Variants in TSC22D2 observed in about 807,000 individuals in gnomAD.
TSC22D2 encodes TSC22 domain family protein 2.
A neutral mutation model predicts 50.1 loss-of-function variants in TSC22D2; 5 were observed. The observed-to-expected ratio is 0.10, with a 90% confidence interval of 0.05 to 0.21. The LOEUF is 0.21. TSC22D2 is among the 10% of genes least tolerant of loss of function. TSC22D2 has a pLI of 1.00. For missense variants in TSC22D2, 1,003 were observed against 1,015.5 expected, an observed-to-expected ratio of 0.99 and a Z score of 0.17; for synonymous variants, 501 against 450.1, an observed-to-expected ratio of 1.11 and a Z score of -1.43.
In TSC22D2 at chr3:150,409,583, C is replaced by T. The variant is rs1477081298; in HGVS notation, c.233C>T (p.Ala78Val). 1 of 1,598,888 alleles carries T rather than the reference C, an allele frequency of 6.3e-7. No homozygotes were observed. Among genetic ancestry groups the T allele is most frequent in the Non-Finnish European group, 8.6e-7 (1 of 1,168,400 alleles). Residue 78 changes from alanine to valine, a missense_variant, in exon 1 of 3, where the codon GCG becomes GTG. This residue lies in a region of TSC22D2 where 200 missense variants were observed against 182.8 expected (regional missense o/e 1.09). Transcript: ENST00000688009. The surrounding 1 kb of genome is among the most constrained non-coding windows in gnomAD (Gnocchi z 7.4). ...SEETLNNVGD[A>V]ETPGTVSPNL... Reference sequence around the variant, plus strand: ...GAGACGCTTAACAATGTTGGGGATGCGGAGACTCCCGGGACCGTCTCCCCA... The same window carrying T: ...GAGACGCTTAACAATGTTGGGGATGTGGAGACTCCCGGGACCGTCTCCCCA...
intron 1 of TSC22D2, 23 bp from the exon 2 acceptor site, chr3:150,457,053 T>C (rs373370707): frequency 2.8e-4 from 449 of 1,605,202 alleles, no homozygotes; most frequent in Admixed American, 6.2e-4. Context: ...TTTAGAATAA[T>C]AACATATTCT....
At chr3:150,456,417 A>G (rs6770312) in intron 1 of TSC22D2, among the ~76,000 whole-genome samples, 115,192 of 151,768 alleles carry the variant, frequency 0.76, 44,093 homozygotes, top group South Asian at 0.84. Flanking sequence ...GGAACTCCTG[A>G]CCTCAAGTGA....
At chr3:150,422,929 CTTT>C (rs1173190886) in intron 1 of TSC22D2, 4 of 655,252 alleles carry the variant, frequency 6.1e-6, no homozygotes, top group Non-Finnish European at 9.9e-6. Flanking sequence ...GTTTTAAAAT[CTTT>C]TTATTATTAA....
chr3:150,430,895 A>C lies in TSC22D2; in HGVS notation c.1958+19587A>C, dbSNP rs544545164. Reference sequence around the variant, plus strand: ...AATCAAAAAGAAGAGAAAGGTCTGAATCTTTAATTTGAAATAATTTCAAAT... The same window carrying C: ...AATCAAAAAGAAGAGAAAGGTCTGACTCTTTAATTTGAAATAATTTCAAAT... On this transcript the variant is annotated intron_variant, in intron 1 of 2. Transcript: ENST00000688009. Among the ~76,000 whole-genome samples, 27 of 152,306 alleles carry C rather than the reference A, an allele frequency of 1.8e-4. No homozygotes were observed. The South Asian group carries it at 4.6e-3, about 26-fold the overall frequency.
At position 150,458,792 on chromosome 3, in the gene TSC22D2, C is replaced by T. The variant is rs1721278265; in HGVS notation, c.*156C>T. 2.2e-6 allele frequency: 2 copies of T among 913,224 alleles called. No individual in the cohort carries two copies. Among genetic ancestry groups the T allele is most frequent in the Non-Finnish European group, 3.3e-6 (2 of 608,826 alleles). 56.6% of individuals were successfully genotyped at this position (913,224 alleles called of 1,614,324 possible). A position where few individuals can be genotyped will look rare whatever the true frequency, so the allele number is the denominator to read the frequency against. On this transcript the variant is annotated 3_prime_UTR_variant, in exon 3 of 3. Transcript: ENST00000688009. ...CAATCATTCTACAAGAGCTTTTCCT[C>T]TCTCTGAGATGTCATGCAGCGCTGT... is the stretch of plus-strand genomic sequence containing the variant.
In TSC22D2 at chr3:150,459,586, G is replaced by GTTTTTTTTTTTTTTTTT. The variant is rs1721314104; in HGVS notation, c.*951_*952insTTTTTTTTTTTTTTTTT. ...TTTTTTTTGTTGTTTTTTTTTTTTT[G>GTTTTTTTTTTTTTTTTT]TCTTTTTTTTTTTTTATAATGCACA... On this transcript the variant is annotated 3_prime_UTR_variant, in exon 3 of 3. Coordinates refer to ENST00000688009, the MANE Select transcript of TSC22D2 (RefSeq NM_001303264.2). The GTTTTTTTTTTTTTTTTT allele has an allele frequency of 3.8e-5, 3 of 78,324 alleles. No individual in the cohort carries two copies. The highest frequency in any genetic ancestry group is 3.8e-4 in the East Asian group (1 of 2,616). The allele number at this position is 78,324 out of a possible 1,614,324, so 4.9% of individuals were successfully genotyped here. A position where few individuals can be genotyped will look rare whatever the true frequency, so the allele number is the denominator to read the frequency against.
Position 150,410,681 on chromosome 3 carries a change from C to A in TSC22D2, c.1331C>A (p.Ala444Glu). Reference protein sequence around the residue: ...SEAMAPRTGPAQGGQVAPCQP... With the variant: ...SEAMAPRTGPEQGGQVAPCQP... Reference sequence around the variant, plus strand: ...GCCATGGCCCCCCGGACGGGACCAGCGCAAGGCGGGCAGGTCGCGCCTTGT... The same window carrying A: ...GCCATGGCCCCCCGGACGGGACCAGAGCAAGGCGGGCAGGTCGCGCCTTGT... The change falls in exon 1 of 3, where the codon GCG (alanine) becomes GAG (glutamate). Residue 444 changes from alanine to glutamate, a missense_variant. This residue lies in a region of TSC22D2 where 696 missense variants were observed against 647.8 expected (regional missense o/e 1.07). Transcript: ENST00000688009. 6.4e-7 allele frequency: 1 copy of A among 1,561,268 alleles called. No homozygotes were observed. Among genetic ancestry groups the A allele is most frequent in the Non-Finnish European group, 8.7e-7 (1 of 1,155,202 alleles).
intron 1 of TSC22D2, chr3:150,423,215 AT>A: frequency 1.1e-6 from 1 of 875,626 alleles, no homozygotes; most frequent in Non-Finnish European, 1.7e-6. Context: ...GATCTTTGTT[AT>A]TTTAGGGGGG....
chr3:150,414,791 C>G (rs1396143555), intron 1 of TSC22D2, among the ~76,000 whole-genome samples: 4 of 151,740 alleles, frequency 2.6e-5, no homozygotes, highest in Non-Finnish European at 4.4e-5. Context: ...GCAGAACTGT[C>G]TCAGTCTTCG....
At chr3:150,458,195 T>C (rs903966265) in intron 2 of TSC22D2, among the ~76,000 whole-genome samples, 181 bp from the exon 3 acceptor site, 6 of 152,108 alleles carry the variant, frequency 3.9e-5, no homozygotes, top group Non-Finnish European at 7.4e-5. Flanking sequence ...GGCTTACTGC[T>C]CTGGTTGGGA....
Position 150,411,063 on chromosome 3 carries a change from T to C in TSC22D2, c.1713T>C (p.Ser571=). 6.2e-7 allele frequency: 1 copy of C among 1,614,164 alleles called. No homozygotes were observed. Among genetic ancestry groups the C allele is most frequent in the South Asian group, 1.1e-5 (1 of 91,086 alleles). ...CAGGCACACACAGCGCACCAACAAG[T>C]CTACCACAGTCTGACCTAAGCCAGT... ...LAPGTHSAPT[S]LPQSDLSQFQ... The change falls in exon 1 of 3, where the codon AGT becomes AGC. Residue 571 remains serine, a synonymous_variant. Transcript: ENST00000688009.
At chr3:150,444,654 A>T (rs2108093182) in intron 1 of TSC22D2, among the ~76,000 whole-genome samples, 1 of 152,360 alleles carries the variant, frequency 6.6e-6, no homozygotes, top group Admixed American at 6.5e-5. Context: ...TTTCACACAA[A>T]CTATTGTAAA....
rs535628872 is a variant in TSC22D2, at chr3:150,420,091, A to G, written c.1958+8783A>G. Among the ~76,000 whole-genome samples the G allele has an allele frequency of 3.9e-5, 6 of 152,284 alleles. No homozygotes were observed. In the East Asian group the frequency reaches 1.2e-3, roughly 29 times the overall value. ...AGGTTTCATGGACTGTAACCTTGAA[A>G]TGATCCCATTAACAGCCTTTTCCTT... On this transcript the variant is annotated intron_variant, in intron 1 of 2. Coordinates refer to ENST00000688009, the MANE Select transcript of TSC22D2 (RefSeq NM_001303264.2).
At chr3:150,457,207 CAAAT>C (rs1721218147) in intron 2 of TSC22D2, 80 bp downstream of exon 2, 1 of 1,336,972 alleles carries the variant, frequency 7.5e-7, no homozygotes, top group Non-Finnish European at 1.0e-6. Flanking sequence ...TTTTAGAAAA[CAAAT>C]AAGTTATTTA....
At chr3:150,457,180 C>A in intron 2 of TSC22D2, 53 bp downstream of exon 2, 1 of 1,499,894 alleles carries the variant, frequency 6.7e-7, no homozygotes, top group Non-Finnish European at 9.1e-7. Flanking sequence ...TTGTATGGAA[C>A]ACTTAGCTTT....
Position 150,409,730 on chromosome 3 carries a change from C to T in TSC22D2, c.380C>T (p.Ser127Leu), listed in dbSNP as rs569868270. ...LASTLAAAATSAPAPGAPGGP... is the reference protein window; with the variant it reads ...LASTLAAAATLAPAPGAPGGP... ...AGTACCCTGGCGGCGGCTGCCACTT[C>T]GGCCCCCGCCCCCGGAGCACCCGGC... Residue 127 changes from serine to leucine, a missense_variant, in exon 1 of 3, where the codon TCG becomes TTG. This residue lies in a region of TSC22D2 where 200 missense variants were observed against 182.8 expected (regional missense o/e 1.09). Coordinates refer to ENST00000688009, the MANE Select transcript of TSC22D2 (RefSeq NM_001303264.2). The surrounding 1 kb of genome is among the most constrained non-coding windows in gnomAD (Gnocchi z 7.4). 1.5e-4 allele frequency: 247 copies of T among 1,600,206 alleles called. 1 individual carries two copies. The South Asian group carries it at 2.6e-3, about 17-fold the overall frequency.
At chr3:150,453,642 A>G (rs1036525480) in intron 1 of TSC22D2, among the ~76,000 whole-genome samples, 1 of 152,166 alleles carries the variant, frequency 6.6e-6, no homozygotes, top group African/African-American at 2.4e-5. Flanking sequence ...ATTTCTGACA[A>G]GTTTCCAGGT....
intron 2 of TSC22D2, 40 bp from the exon 3 acceptor site, chr3:150,458,336 C>G: frequency 6.3e-7 from 1 of 1,587,462 alleles, no homozygotes; most frequent in Non-Finnish European, 8.6e-7. Flanking sequence ...CCACCTTTAT[C>G]TTTTCACTCT....
In TSC22D2 at chr3:150,451,525, A is replaced by T. The variant is rs150120527; in HGVS notation, c.1959-5551A>T. ...TTAACATTTGGTACTTAGTTAAAGC[A>T]CTCTTAATAATACACATAATTCTGG... On this transcript the variant is annotated intron_variant, in intron 1 of 2. Coordinates refer to ENST00000688009, the MANE Select transcript of TSC22D2 (RefSeq NM_001303264.2). Among the ~76,000 whole-genome samples, 10 of 152,294 alleles carry T rather than the reference A, an allele frequency of 6.6e-5. No individual in the cohort carries two copies. The East Asian group carries it at 1.9e-3, about 29-fold the overall frequency.
Sources: allele counts gnomAD v4.1 joint callset (sites outside exome capture counted in the v4.1 genomes callset), GRCh38; gene constraint gnomAD v4.1.1; regional missense constraint gnomAD v4.1.1; non-coding constraint Gnocchi (gnomAD v3.1); transcripts MANE v1.5; gene names NCBI Gene and HGNC (gene_info 2026-07-23, HGNC 2026-07-21).